The following ERAP1 variants were observed in gnomAD, a reference collection of about 807,000 sequenced individuals.
ERAP1 encodes adipocyte-derived leucine aminopeptidase.
In ERAP1, 86 loss-of-function variants were observed where a neutral mutation model predicts 103.7. The ratio of observed to expected loss-of-function variants is 0.83; its 90% CI spans 0.70 to 0.99. The LOEUF is 0.99. ERAP1 is among the 50% of genes least tolerant of loss of function. The pLI is 0.00. For synonymous variants in ERAP1, 398 were observed against 402.4 expected, an observed-to-expected ratio of 0.99 and a Z score of 0.13; for missense variants, 1,009 against 1,128.4, an observed-to-expected ratio of 0.89 and a Z score of 1.52.
the ERAP1 span, chr5:96,892,590 A>C: frequency 4.3e-6 from 4 of 920,666 alleles, no homozygotes; most frequent in Non-Finnish European, 6.4e-6. Flanking sequence ...ACCTAACACA[A>C]CGTCAAGTAG....
At chr5:96,889,495 T>C in the ERAP1 span, 2 of 716,848 alleles carry the variant, frequency 2.8e-6, no homozygotes, top group Non-Finnish European at 5.0e-6. Context: ...GCCCCAACAG[T>C]GTGGATCATT....
At chr5:96,841,974 T>G in the ERAP1 span, among the ~76,000 whole-genome samples, 3 of 152,174 alleles carry the variant, frequency 2.0e-5, no homozygotes, top group East Asian at 5.8e-4. Context: ...AAGCTTATTA[T>G]ATCATTCTTA....
upstream of ERAP1, chr5:96,807,986 G>A (rs1778856237): frequency 8.1e-6 from 8 of 985,438 alleles, no homozygotes; most frequent in African/African-American, 1.7e-5. Context: ...GCGGCGCTTC[G>A]GCCCGAGCCC....
At chr5:96,928,424 C>G in the ERAP1 span, among the ~76,000 whole-genome samples, 1 of 152,122 alleles carries the variant, frequency 6.6e-6, no homozygotes, top group African/African-American at 2.4e-5. Flanking sequence ...TTCAATATGA[C>G]TAGTGTCCTT....
the ERAP1 span, chr5:96,913,212 A>T: frequency 1.2e-6 from 1 of 864,142 alleles, no homozygotes; most frequent in Non-Finnish European, 1.7e-6. Context: ...TTATACTTTT[A>T]TCATGCCTCT....
chr5:96,764,883 C>G (rs2150714240), intron 19 of ERAP1, among the ~76,000 whole-genome samples: 1 of 152,146 alleles, frequency 6.6e-6, no homozygotes, highest in African/African-American at 2.4e-5. Flanking sequence ...GCTTTTGGAC[C>G]CTTTATGTGA....
chr5:96,770,828 C>T (rs1421115472), downstream of ERAP1, among the ~76,000 whole-genome samples: 3 of 152,028 alleles, frequency 2.0e-5, no homozygotes, highest in African/African-American at 7.2e-5. Context: ...TGACACAACC[C>T]AATTTGCCTG....
chr5:96,875,346 G>A, the ERAP1 span, among the ~76,000 whole-genome samples: 7 of 152,096 alleles, frequency 4.6e-5, no homozygotes, highest in East Asian at 1.4e-3. Context: ...ACCAGCCTGA[G>A]CAACATGGGA....
At chr5:96,778,301 C>G (rs1774648654) in intron 18 of ERAP1, among the ~76,000 whole-genome samples, 1 of 152,080 alleles carries the variant, frequency 6.6e-6, no homozygotes, top group African/African-American at 2.4e-5. Context: ...AGAAAATATG[C>G]CAGGGGTATG....
chr5:96,765,430 A>G (rs1281258653), intron 19 of ERAP1: 4 of 619,564 alleles, frequency 6.5e-6, no homozygotes, highest in African/African-American at 1.9e-5. Context: ...AACTTAACCT[A>G]TATTTTAAAC....
In ERAP1 at chr5:96,795,212, T is replaced by A. The variant is rs183678256; in HGVS notation, c.799-50A>T. Reference sequence around the variant, plus strand: ...ATTCAAATATCTTAACTGGCTTCTCTCCCCACATTGTGTAGAAGACTGACA... The same window carrying A: ...ATTCAAATATCTTAACTGGCTTCTCACCCCACATTGTGTAGAAGACTGACA... On this transcript the variant is annotated intron_variant, in intron 4 of 18. Coordinates refer to ENST00000443439, the MANE Select transcript of ERAP1 (RefSeq NM_001040458.3). The A allele has an allele frequency of 2.7e-5, 43 of 1,607,042 alleles. No individual in the cohort carries two copies. The African/African-American group carries it at 4.9e-4, about 18-fold the overall frequency.
At chr5:96,807,712 G>T in intron 1 of ERAP1, 148 bp downstream of exon 1, 1 of 535,092 alleles carries the variant, frequency 1.9e-6, no homozygotes, top group Non-Finnish European at 2.4e-6. Flanking sequence ...CCTTCCTCCC[G>T]CGCCCCGTCT....
chr5:96,813,671 A>AAAG, the ERAP1 span, among the ~76,000 whole-genome samples: 1 of 149,726 alleles, frequency 6.7e-6, no homozygotes, highest in Non-Finnish European at 1.5e-5. Flanking sequence ...AAAAAAAAAA[A>AAAG]AAAAAAGCCT....
At chr5:96,807,619 C>A (rs1198771165) in intron 1 of ERAP1, among the ~76,000 whole-genome samples, 1 of 152,140 alleles carries the variant, frequency 6.6e-6, no homozygotes, top group Non-Finnish European at 1.5e-5. Flanking sequence ...GGGCACCCCG[C>A]GGACTCGGGC....
In ERAP1 at chr5:96,793,966, G is replaced by A. The variant is rs756507654; in HGVS notation, c.920-9C>T. On this transcript the variant is annotated splice_polypyrimidine_tract_variant and intron_variant, in intron 5 of 18. Coordinates refer to ENST00000443439, the MANE Select transcript of ERAP1 (RefSeq NM_001040458.3). ...GGGAATAGCAGCAAGATCTTGGGAA[G>A]GAAGTAATAAAATACATTACCAGTC... The A allele has an allele frequency of 1.9e-6, 3 of 1,613,866 alleles. No homozygotes were observed. In the South Asian group the frequency reaches 3.3e-5, roughly 18 times the overall value.
chr5:96,914,548 A>C, the ERAP1 span, among the ~76,000 whole-genome samples: 1 of 152,244 alleles, frequency 6.6e-6, no homozygotes, highest in Non-Finnish European at 1.5e-5. Flanking sequence ...TGAAATGATC[A>C]GCCTTAATCT....
chr5:96,925,797 A>G, the ERAP1 span, among the ~76,000 whole-genome samples: 1 of 152,136 alleles, frequency 6.6e-6, no homozygotes, highest in African/African-American at 2.4e-5. Context: ...CTGTTTCTAA[A>G]TAGGTTAGTG....
intron 9 of ERAP1, 23 bp downstream of exon 9, chr5:96,790,487 CAG>C (rs1402474204): frequency 6.2e-7 from 1 of 1,613,574 alleles, no homozygotes; most frequent in South Asian, 1.1e-5. Flanking sequence ...ATCCCAAATG[CAG>C]AGATATTCAA....
rs1774244597 is a variant in ERAP1, at chr5:96,776,107, A to G, written c.*289T>C. 4 of 1,354,632 alleles carry G rather than the reference A, an allele frequency of 3.0e-6. No individual in the cohort carries two copies. Among genetic ancestry groups the G allele is most frequent in the Non-Finnish European group, 3.9e-6 (4 of 1,034,150 alleles). 83.9% of individuals were successfully genotyped at this position (1,354,632 alleles called of 1,614,324 possible). On this transcript the variant is annotated 3_prime_UTR_variant, in exon 19 of 19. Transcript: ENST00000443439. The stretch of plus-strand genomic sequence containing the variant: ...ACAGGGTTTTGGACACGGGTGCTTA[A>G]GCATAAACTATAAAATGAGAAGAAT...
Sources: gnomAD v4.1 joint callset for allele counts (sites outside exome capture counted in the v4.1 genomes callset) on GRCh38, gnomAD v4.1.1 for gene constraint, MANE v1.5 for transcripts, NCBI Gene and HGNC (gene_info 2026-07-23, HGNC 2026-07-21) for gene names.